Variants in KCNH8 observed in about 807,000 individuals in gnomAD.
KCNH8 encodes the protein voltage-gated delayed rectifier potassium channel KCNH8.
KCNH8 carries 70 observed loss-of-function variants against 103.6 expected under a neutral mutation model. That is an observed-to-expected ratio of 0.68 (90% confidence interval 0.56 to 0.82). KCNH8 has a LOEUF of 0.82. Among genes scored for constraint, KCNH8 ranks in the 40% least tolerant of loss-of-function variants. The probability of loss-of-function intolerance (pLI) is 0.00; values close to 1 mark genes in which losing one functional copy is unlikely to be tolerated. For missense variants in KCNH8, 1,217 were observed against 1,329.9 expected (o/e 0.92, Z 1.32); for synonymous variants, 498 against 489.4 (o/e 1.02, Z -0.23).
At chr3:19,401,409 A>C (rs2066611002) in intron 7 of KCNH8, among the ~76,000 whole-genome samples, 2 of 152,046 alleles carry the variant, frequency 1.3e-5, no homozygotes, top group Admixed American at 1.3e-4. Context: ...TTTCTGATGG[A>C]CAAAGGAGGT....
At position 19,513,226 on chromosome 3, in the gene KCNH8, A is replaced by C. The variant is rs1327918601; in HGVS notation, c.2336A>C (p.Gln779Pro). Reference sequence around the variant, plus strand: ...AGGTCAAATTCCCCCAAAACCAAGCAGGAAATTGACCCCCCCAACCATAAT... The same window carrying C: ...AGGTCAAATTCCCCCAAAACCAAGCCGGAAATTGACCCCCCCAACCATAAT... ...VSRSNSPKTK[Q>P]EIDPPNHNKR... is the part of the protein sequence containing the mutation. The change falls in exon 13 of 16, where the codon CAG (glutamine) becomes CCG (proline). Residue 779 changes from glutamine to proline, a missense_variant. Gln to Pro is a moderately conservative substitution (Grantham distance 76). This residue lies in a region of KCNH8 where 558 missense variants were observed against 495.8 expected (regional missense o/e 1.13). Coordinates refer to ENST00000328405, the MANE Select transcript of KCNH8 (RefSeq NM_144633.3). The C allele has an allele frequency of 6.2e-7, 1 of 1,613,934 alleles. No individual in the cohort carries two copies. Among genetic ancestry groups the C allele is most frequent in the Non-Finnish European group, 8.5e-7 (1 of 1,179,964 alleles).
chr3:19,455,397 A>G (rs1208193905), intron 10 of KCNH8, among the ~76,000 whole-genome samples: 1 of 152,128 alleles, frequency 6.6e-6, no homozygotes, highest in Non-Finnish European at 1.5e-5. Context: ...GCATCCCATC[A>G]CCTTATGTTT....
intron 2 of KCNH8, among the ~76,000 whole-genome samples, chr3:19,257,568 C>A (rs913126248): frequency 2.0e-5 from 3 of 152,114 alleles, no homozygotes; most frequent in African/African-American, 7.2e-5. Context: ...CCAGCCTTAG[C>A]TTTTATATGT....
chr3:19,510,233 C>A, intron 11 of KCNH8, 130 bp from the exon 12 acceptor site: 1 of 668,328 alleles, frequency 1.5e-6, no homozygotes, highest in Non-Finnish European at 2.8e-6. Context: ...GGTAGATCCA[C>A]ACCCCTTCCT....
At chr3:19,411,604 G>C (rs930709417) in intron 7 of KCNH8, among the ~76,000 whole-genome samples, 3 of 151,962 alleles carry the variant, frequency 2.0e-5, no homozygotes, top group African/African-American at 7.2e-5. Flanking sequence ...TCTACACCTT[G>C]AAAACCCTAA....
chr3:19,500,069 G>C (rs145240625), intron 11 of KCNH8, among the ~76,000 whole-genome samples: 12 of 152,196 alleles, frequency 7.9e-5, no homozygotes, highest in South Asian at 4.1e-4. Flanking sequence ...GACACACATA[G>C]GCTCAAATTA....
chr3:19,378,938 A>G (rs2066250044), intron 5 of KCNH8, among the ~76,000 whole-genome samples: 1 of 152,206 alleles, frequency 6.6e-6, no homozygotes, highest in African/African-American at 2.4e-5. Context: ...CTCATGCATC[A>G]CAGACACCAA....
chr3:19,335,584 T>C (rs2065573683), intron 3 of KCNH8, among the ~76,000 whole-genome samples: 2 of 151,062 alleles, frequency 1.3e-5, no homozygotes, highest in African/African-American at 4.8e-5. Context: ...TTGGCTCTTT[T>C]ATTCTCTGAA....
At chr3:19,528,578 T>C (rs2069105772) in intron 15 of KCNH8, among the ~76,000 whole-genome samples, 1 of 152,116 alleles carries the variant, frequency 6.6e-6, no homozygotes, top group Non-Finnish European at 1.5e-5. Flanking sequence ...GAAAGTTGTA[T>C]ATGTGAATTC....
intron 3 of KCNH8, among the ~76,000 whole-genome samples, chr3:19,317,681 CAATA>C (rs2125301409): frequency 6.6e-6 from 1 of 151,928 alleles, no homozygotes; most frequent in East Asian, 1.9e-4. Flanking sequence ...ATATGCAAAT[CAATA>C]AATATGATTC....
intron 1 of KCNH8, among the ~76,000 whole-genome samples, chr3:19,157,019 G>A (rs571254430): frequency 1.4e-5 from 2 of 142,268 alleles, no homozygotes; most frequent in East Asian, 4.1e-4. Context: ...TAAGTATTTT[G>A]GACAGACATC....
Position 19,347,949 on chromosome 3 carries a change from G to T in KCNH8, c.795G>T (p.Glu265Asp), listed in dbSNP as rs183033030. Reference sequence around the variant, plus strand: ...CAACCGTCAGTGACATTGCAGTGGAGATTCTTTTTATTATAGGTAAGAACA... The same window carrying T: ...CAACCGTCAGTGACATTGCAGTGGATATTCTTTTTATTATAGGTAAGAACA... ...RSTTVSDIAV[E>D]ILFIIDIILN... Residue 265 changes from glutamate to aspartate, a missense_variant, in exon 5 of 16, where the codon GAG becomes GAT. Physicochemically the swap from Glu to Asp is conservative, Grantham distance 45. This residue lies in a region of KCNH8 where 415 missense variants were observed against 577.4 expected (regional missense o/e 0.72). Transcript: ENST00000328405. 6.2e-7 allele frequency: 1 copy of T among 1,612,880 alleles called. No individual in the cohort carries two copies. Among genetic ancestry groups the T allele is most frequent in the Non-Finnish European group, 8.5e-7 (1 of 1,179,242 alleles).
chr3:19,155,585 A>G (rs1575400359), intron 1 of KCNH8, among the ~76,000 whole-genome samples: 2 of 152,270 alleles, frequency 1.3e-5, no homozygotes, highest in South Asian at 2.1e-4. Flanking sequence ...ATCTGACCCC[A>G]AGATGATTCT....
intron 1 of KCNH8, among the ~76,000 whole-genome samples, chr3:19,186,684 A>G (rs1028833913): frequency 6.6e-6 from 1 of 152,086 alleles, no homozygotes; most frequent in Non-Finnish European, 1.5e-5. Context: ...TTCATTATTA[A>G]AAAGGGAACT....
intron 15 of KCNH8, among the ~76,000 whole-genome samples, chr3:19,521,214 C>G (rs1319128758): frequency 6.6e-6 from 1 of 151,946 alleles, no homozygotes; most frequent in Non-Finnish European, 1.5e-5. Context: ...CAAAGCTTAC[C>G]AAGGGAGACT....
chr3:19,423,237 G>A (rs2066977113), intron 7 of KCNH8, among the ~76,000 whole-genome samples: 1 of 151,188 alleles, frequency 6.6e-6, no homozygotes, highest in South Asian at 2.1e-4. Context: ...TCAAAGCCTC[G>A]GTATCTTTTG....
At chr3:19,332,342 T>C (rs2125310969) in intron 3 of KCNH8, among the ~76,000 whole-genome samples, 1 of 152,320 alleles carries the variant, frequency 6.6e-6, no homozygotes, top group Non-Finnish European at 1.5e-5. Context: ...AATAATGCAA[T>C]GTGTAACCTC....
In KCNH8 at chr3:19,397,245, C is replaced by T. The variant is rs144043097; in HGVS notation, c.1177+1934C>T. Among the ~76,000 whole-genome samples, 295 of 151,898 alleles carry T rather than the reference C, an allele frequency of 1.9e-3. 1 individual carries two copies. Among genetic ancestry groups the T allele is most frequent in the African/African-American group, 6.6e-3 (275 of 41,462 alleles). On this transcript the variant is annotated intron_variant, in intron 7 of 15. Transcript: ENST00000328405. Reference sequence around the variant, plus strand: ...CAGGTTGTAAGCCAGAAACCAATCTCGCAGAGAGAGCATTGTCATGAAGTA... The same window carrying T: ...CAGGTTGTAAGCCAGAAACCAATCTTGCAGAGAGAGCATTGTCATGAAGTA...
intron 12 of KCNH8, among the ~76,000 whole-genome samples, chr3:19,511,806 G>A (rs971541679): frequency 1.3e-5 from 2 of 152,090 alleles, no homozygotes; most frequent in African/African-American, 4.8e-5. Flanking sequence ...AACTTCATAA[G>A]TAAACTATGC....
Sources: allele counts gnomAD v4.1 joint callset (sites outside exome capture counted in the v4.1 genomes callset), GRCh38; gene constraint gnomAD v4.1.1; regional missense constraint gnomAD v4.1.1; transcripts MANE v1.5; gene names NCBI Gene and HGNC (gene_info 2026-07-23, HGNC 2026-07-21).